KLHDC1: variants seen among roughly 807,000 people sequenced by gnomAD.
KLHDC1 encodes the protein kelch domain-containing protein 1.
Under a neutral mutation model 68.3 loss-of-function variants are expected in KLHDC1, and 53 were observed. The ratio of observed to expected loss-of-function variants is 0.78; its 90% CI spans 0.62 to 0.98. The LOEUF (loss-of-function observed/expected upper bound fraction) is 0.98, where lower values mean the gene tolerates loss of function less well. Among genes scored for constraint, KLHDC1 ranks in the 50% least tolerant of loss-of-function variants. The pLI is 0.00. For synonymous variants in KLHDC1, 148 were observed against 159.0 expected (o/e 0.93, Z 0.52); for missense variants, 470 against 492.3 (o/e 0.95, Z 0.43).
At chr14:49,732,535 T>A (rs1888836491) in intron 8 of KLHDC1, among the ~76,000 whole-genome samples, 169 bp from the exon 9 acceptor site, 1 of 152,196 alleles carries the variant, frequency 6.6e-6, no homozygotes, top group Non-Finnish European at 1.5e-5. Context: ...AAAGATTTTT[T>A]AAATTCATCT....
At chr14:49,747,114 T>C (rs978608809) in intron 12 of KLHDC1, among the ~76,000 whole-genome samples, 3 of 152,084 alleles carry the variant, frequency 2.0e-5, no homozygotes, top group Middle Eastern at 6.8e-3. Flanking sequence ...ACCCGGCTAA[T>C]TTTTTGTATT....
intron 1 of KLHDC1, among the ~76,000 whole-genome samples, chr14:49,703,662 A>G (rs1272001451): frequency 6.7e-6 from 1 of 149,774 alleles, no homozygotes; most frequent in Non-Finnish European, 1.5e-5. Context: ...TAGTTTTCAG[A>G]TTCATACATT....
intron 12 of KLHDC1, among the ~76,000 whole-genome samples, chr14:49,745,986 TAA>T (rs1290394826): frequency 2.6e-5 from 4 of 152,128 alleles, no homozygotes; most frequent in African/African-American, 4.8e-5. Flanking sequence ...AGAAAATTGG[TAA>T]AGAGACTATT....
intron 4 of KLHDC1, among the ~76,000 whole-genome samples, chr14:49,717,982 C>T (rs1888422799): frequency 6.6e-6 from 1 of 151,878 alleles, no homozygotes; most frequent in Non-Finnish European, 1.5e-5. Context: ...CTCCTTGGAC[C>T]CTCAAGCAGT....
intron 4 of KLHDC1, among the ~76,000 whole-genome samples, chr14:49,715,940 G>A (rs1268599549): frequency 1.3e-5 from 2 of 151,794 alleles, no homozygotes; most frequent in East Asian, 3.8e-4. Flanking sequence ...ATATACTCGT[G>A]TTTCTGATAT....
chr14:49,729,042 G>A (rs756419684), intron 7 of KLHDC1, 33 bp downstream of exon 7: 1 of 1,360,946 alleles, frequency 7.3e-7, no homozygotes, highest in Non-Finnish European at 1.1e-6. Flanking sequence ...GTATTTTTAT[G>A]TGCAATGCTC....
intron 1 of KLHDC1, among the ~76,000 whole-genome samples, chr14:49,703,373 G>A (rs567245071): frequency 8.9e-5 from 13 of 146,856 alleles, no homozygotes; most frequent in Admixed American, 1.4e-4. Context: ...ACAGAGTTTC[G>A]CTCCTGTTGC....
At chr14:49,716,330 C>T (rs2139745364) in intron 4 of KLHDC1, among the ~76,000 whole-genome samples, 1 of 151,654 alleles carries the variant, frequency 6.6e-6, no homozygotes, top group Admixed American at 6.6e-5. Flanking sequence ...ACAATGATTG[C>T]CCTAGGCAAG....
rs1217291436 is a variant in KLHDC1 at position 49,729,521 on chromosome 14, A to G, written c.683A>G (p.Asn228Ser). Residue 228 changes from asparagine to serine, a missense_variant, in exon 8 of 13, where the codon AAC becomes AGC. Transcript: ENST00000359332. ...AGGATGAATGATTTGCACTATCTAA[A>G]CCTAGACACCTGGACTTGGTCTGGA... ...QTRMNDLHYL[N>S]LDTWTWSGRI... is the part of the protein sequence containing the mutation. The G allele has an allele frequency of 1.2e-6, 2 of 1,610,790 alleles. No homozygotes were observed. The highest frequency in any genetic ancestry group is 3.3e-5 in the Admixed American group (2 of 59,908).
chr14:49,709,924 A>G (rs543313606), intron 3 of KLHDC1, 98 bp downstream of exon 3: 3 of 644,582 alleles, frequency 4.7e-6, no homozygotes, highest in South Asian at 5.1e-5. Flanking sequence ...AGATATATAT[A>G]GAAAACCTTA....
intron 10 of KLHDC1, among the ~76,000 whole-genome samples, chr14:49,738,638 G>A (rs890776406): frequency 4.6e-5 from 7 of 152,172 alleles, no homozygotes; most frequent in East Asian, 3.9e-4. Flanking sequence ...TTGAGCCACC[G>A]TGCCCAGCCT....
intron 1 of KLHDC1, among the ~76,000 whole-genome samples, chr14:49,707,479 C>G (rs1214323242): frequency 6.7e-6 from 1 of 148,752 alleles, no homozygotes; most frequent in Non-Finnish European, 1.5e-5. Flanking sequence ...TTCTGAGTTG[C>G]TGGGATTACA....
intron 6 of KLHDC1, among the ~76,000 whole-genome samples, chr14:49,727,309 A>C (rs911641021): frequency 6.6e-6 from 1 of 151,982 alleles, no homozygotes; most frequent in African/African-American, 2.4e-5. Context: ...GCATGTTCCT[A>C]CCCTTTACAG....
intron 11 of KLHDC1, among the ~76,000 whole-genome samples, chr14:49,741,081 G>A (rs924877924): frequency 4.6e-5 from 7 of 152,044 alleles, no homozygotes; most frequent in African/African-American, 1.4e-4. Flanking sequence ...GTGACAGAGC[G>A]AGACCCTGTC....
At chr14:49,731,007 C>A (rs1038466138) in intron 8 of KLHDC1, among the ~76,000 whole-genome samples, 1 of 151,856 alleles carries the variant, frequency 6.6e-6, no homozygotes, top group South Asian at 2.1e-4. Context: ...CAGGCAGGTG[C>A]AGTGGTACAC....
intron 4 of KLHDC1, among the ~76,000 whole-genome samples, chr14:49,722,259 T>G (rs899796332): frequency 1.3e-5 from 2 of 152,352 alleles, no homozygotes; most frequent in Admixed American, 1.3e-4. Flanking sequence ...GTATATCTCC[T>G]AAGGCTATCC....
intron 8 of KLHDC1, among the ~76,000 whole-genome samples, chr14:49,731,993 AAAC>A (rs1888820501): frequency 6.6e-6 from 1 of 152,228 alleles, no homozygotes; most frequent in African/African-American, 2.4e-5. Flanking sequence ...TCAAAGTAAA[AAAC>A]AACAATATAA....
rs528700335 is a variant in KLHDC1, at chr14:49,718,034, G to A, written c.405-5840G>A. Among the ~76,000 whole-genome samples, 10 of 151,494 alleles carry A rather than the reference G, an allele frequency of 6.6e-5. 1 individual carries two copies. Among genetic ancestry groups the A allele is most frequent in the South Asian group, 2.1e-4 (1 of 4,778 alleles). On this transcript the variant is annotated intron_variant, in intron 4 of 12. Coordinates refer to ENST00000359332, the MANE Select transcript of KLHDC1 (RefSeq NM_172193.3). ...CCTGAGTAGCTGGGACTACAGGCAC[G>A]TGCCACCATCCCTGACTAAGATTTT...
intron 6 of KLHDC1, among the ~76,000 whole-genome samples, chr14:49,726,602 C>G (rs757988627): frequency 2.4e-4 from 36 of 152,106 alleles, no homozygotes; most frequent in Non-Finnish European, 3.8e-4. Context: ...GAGGTACATG[C>G]AATTATGGCA....
Sources: gnomAD v4.1 joint callset for allele counts (sites outside exome capture counted in the v4.1 genomes callset) on GRCh38, gnomAD v4.1.1 for gene constraint, MANE v1.5 for transcripts, NCBI Gene and HGNC (gene_info 2026-07-23, HGNC 2026-07-21) for gene names.